The following DOCK1 variants were observed in gnomAD, a reference collection of about 807,000 sequenced individuals.
DOCK1 encodes the protein dedicator of cytokinesis 1, also known as dedicator of cytokinesis protein 1.
Under a neutral mutation model 262.7 loss-of-function variants are expected in DOCK1, and 138 were observed. The ratio of observed to expected loss-of-function variants is 0.53; its 90% CI spans 0.46 to 0.61. The LOEUF is 0.61. Among genes scored for constraint, DOCK1 ranks in the 20% least tolerant of loss-of-function variants. The probability of loss-of-function intolerance (pLI) is 0.00; values close to 1 mark genes in which losing one functional copy is unlikely to be tolerated. For missense variants in DOCK1, 1,908 were observed against 2,370.7 expected (o/e 0.80, Z 4.05); for synonymous variants, 866 against 867.4 (o/e 1.00, Z 0.03).
chr10:127,398,239 G>A (rs555056813), intron 38 of DOCK1, among the ~76,000 whole-genome samples: 2 of 152,224 alleles, frequency 1.3e-5, no homozygotes, highest in South Asian at 4.1e-4. Context: ...GAGCACTCCA[G>A]GAGGACCAAG....
chr10:127,087,778 G>C (rs977099227), intron 23 of DOCK1, among the ~76,000 whole-genome samples: 1 of 152,168 alleles, frequency 6.6e-6, no homozygotes, highest in African/African-American at 2.4e-5. Context: ...GTATTAATTG[G>C]TCATTAAATA....
intron 1 of DOCK1, among the ~76,000 whole-genome samples, chr10:126,967,439 C>G (rs1210974226): frequency 6.6e-6 from 1 of 152,156 alleles, no homozygotes. Context: ...AGTGGAGACC[C>G]CAGTTCCAGA....
Position 127,394,849 on chromosome 10 carries a change from T to C in DOCK1, c.3928-8206T>C, listed in dbSNP as rs1300911632. 3.9e-5 allele frequency among the ~76,000 whole-genome samples: 6 copies of C among 152,190 alleles called. No homozygotes were observed. In the East Asian group the frequency reaches 1.2e-3, roughly 29 times the overall value. The stretch of plus-strand genomic sequence containing the variant: ...GGCCCACCTCGAGGCGATTCTAGCA[T>C]CAGGGCTCTCATATGAGCAGATAAA... On this transcript the variant is annotated intron_variant, in intron 38 of 51. Transcript: ENST00000623213.
chr10:127,143,491 C>G (rs2051473367), intron 27 of DOCK1, among the ~76,000 whole-genome samples: 1 of 152,236 alleles, frequency 6.6e-6, no homozygotes, highest in Non-Finnish European at 1.5e-5. Context: ...CTGAGATGTG[C>G]TCCCACTTCT....
intron 27 of DOCK1, among the ~76,000 whole-genome samples, chr10:127,219,115 A>T (rs2058326665): frequency 1.3e-5 from 2 of 152,208 alleles, no homozygotes; most frequent in Admixed American, 1.3e-4. Context: ...TGTTTATTTA[A>T]TTCCCCAAAT....
At chr10:127,248,475 C>T (rs1414497673) in intron 28 of DOCK1, among the ~76,000 whole-genome samples, 1 of 152,198 alleles carries the variant, frequency 6.6e-6, no homozygotes, top group Non-Finnish European at 1.5e-5. Flanking sequence ...TTTTTAATAG[C>T]AGAAGCCAGA....
chr10:127,355,588 G>A (rs577226030), intron 32 of DOCK1, among the ~76,000 whole-genome samples: 35 of 152,292 alleles, frequency 2.3e-4, no homozygotes, highest in Middle Eastern at 3.4e-3. Flanking sequence ...AAATGGACAC[G>A]AGAAGCCTGC....
rs879430933 is a variant in DOCK1 at position 127,262,215 on chromosome 10, T to TGC, written c.3044+4787_3044+4788insCG. ...ACCCGTGCTCATCTGTGTGTGTGCGTGTGTGTGTGTGTGTACCCGTGCTCA... is the reference window on the plus strand; with the variant it reads ...ACCCGTGCTCATCTGTGTGTGTGCGTGCGTGTGTGTGTGTGTACCCGTGCTCA... On this transcript the variant is annotated intron_variant, in intron 29 of 51. Transcript: ENST00000623213. 8.7e-4 allele frequency among the ~76,000 whole-genome samples: 125 copies of TGC among 143,530 alleles called. 4 individuals are homozygous for TGC. The highest frequency in any genetic ancestry group is 8.0e-3 in the South Asian group (35 of 4,388). 94.2% of individuals were successfully genotyped at this position (143,530 alleles called of 152,430 possible).
chr10:126,948,987 C>G (rs1306290994), intron 1 of DOCK1, among the ~76,000 whole-genome samples: 2 of 152,130 alleles, frequency 1.3e-5, no homozygotes, highest in Non-Finnish European at 2.9e-5. Flanking sequence ...GGGCCCACCC[C>G]CTGGACCCTG....
chr10:127,033,067 C>T (rs751319705), intron 18 of DOCK1, among the ~76,000 whole-genome samples: 4 of 152,152 alleles, frequency 2.6e-5, no homozygotes, highest in African/African-American at 4.8e-5. Context: ...TCTGTCGATA[C>T]GGGAATAGTG....
At chr10:127,236,341 C>T (rs1321773164) in intron 27 of DOCK1, among the ~76,000 whole-genome samples, 1 of 134,834 alleles carries the variant, frequency 7.4e-6, no homozygotes, top group Non-Finnish European at 1.6e-5. Context: ...CTCTCCCCTC[C>T]CCTCCTTCCC....
At chr10:127,322,192 T>C (rs149101462) in intron 29 of DOCK1, among the ~76,000 whole-genome samples, 73,344 of 148,204 alleles carry the variant, frequency 0.49, 18,380 homozygotes, top group African/African-American at 0.61. Flanking sequence ...TTTCCCTTTT[T>C]TTTTTTTTTT....
intron 27 of DOCK1, among the ~76,000 whole-genome samples, chr10:127,180,206 G>C (rs1160134191): frequency 6.6e-6 from 1 of 152,220 alleles, no homozygotes; most frequent in African/African-American, 2.4e-5. Flanking sequence ...GTGCTGGTTA[G>C]GCAAGGACAT....
intron 27 of DOCK1, among the ~76,000 whole-genome samples, chr10:127,199,208 A>G (rs1466278164): frequency 6.6e-6 from 1 of 152,188 alleles, no homozygotes; most frequent in Non-Finnish European, 1.5e-5. Context: ...AAGCAGAGGA[A>G]TAAAAATAAG....
chr10:127,053,611 GTATT>G (rs1168817337), intron 22 of DOCK1, among the ~76,000 whole-genome samples: 12 of 152,174 alleles, frequency 7.9e-5, no homozygotes, highest in Non-Finnish European at 1.6e-4. Context: ...AACAAAAAAT[GTATT>G]TATTACCATT....
At chr10:127,197,752 C>T (rs1435555859) in intron 27 of DOCK1, among the ~76,000 whole-genome samples, 1 of 152,314 alleles carries the variant, frequency 6.6e-6, no homozygotes, top group Admixed American at 6.5e-5. Flanking sequence ...GTGCCTGTGA[C>T]CAAGCCATAG....
intron 29 of DOCK1, among the ~76,000 whole-genome samples, chr10:127,301,749 C>G (rs2061686059): frequency 1.3e-5 from 2 of 152,004 alleles, no homozygotes. Flanking sequence ...AGTTCGAGAC[C>G]AGCCTAGCCA....
At chr10:127,106,889 T>C (rs1007117412) in intron 24 of DOCK1, among the ~76,000 whole-genome samples, 1 of 152,156 alleles carries the variant, frequency 6.6e-6, no homozygotes, top group African/African-American at 2.4e-5. Flanking sequence ...GTGTGCTGTT[T>C]GTTTCCTAAT....
chr10:126,910,929 C>T (rs77188280), intron 1 of DOCK1, among the ~76,000 whole-genome samples: 6 of 152,056 alleles, frequency 3.9e-5, no homozygotes, highest in Non-Finnish European at 5.9e-5. Context: ...ATTTCATGGT[C>T]TGGATATGCC....
Sources: gnomAD v4.1 joint callset for allele counts (sites outside exome capture counted in the v4.1 genomes callset) on GRCh38, gnomAD v4.1.1 for gene constraint, MANE v1.5 for transcripts, NCBI Gene and HGNC (gene_info 2026-07-23, HGNC 2026-07-21) for gene names.